FBXO36: variants seen among roughly 807,000 people sequenced by gnomAD.
FBXO36 encodes F-box protein 36, also known as F-box only protein 36.
In FBXO36, 18 loss-of-function variants were observed where a neutral mutation model predicts 17.0. The ratio of observed to expected loss-of-function variants is 1.06; its 90% CI spans 0.73 to 1.57. The LOEUF (loss-of-function observed/expected upper bound fraction) is 1.57, where lower values mean the gene tolerates loss of function less well. FBXO36 is among the 40% of genes most tolerant of loss of function. FBXO36 has a pLI of 0.00. For missense variants in FBXO36, 229 were observed against 221.9 expected (o/e 1.03, Z -0.20); for synonymous variants, 83 against 85.3 (o/e 0.97, Z 0.15).
intron 2 of FBXO36, among the ~76,000 whole-genome samples, chr2:229,993,857 G>T (rs779610657): frequency 6.6e-6 from 1 of 151,932 alleles, no homozygotes; most frequent in Non-Finnish European, 1.5e-5. Context: ...TGCAACCTCC[G>T]CCATTCTCCC....
At chr2:229,962,955 G>A (rs529657104) in intron 1 of FBXO36, among the ~76,000 whole-genome samples, 36 of 151,270 alleles carry the variant, frequency 2.4e-4, no homozygotes, top group Non-Finnish European at 4.4e-4. Flanking sequence ...GGGTTTACAG[G>A]CCTGAGCCAC....
intron 2 of FBXO36, among the ~76,000 whole-genome samples, chr2:229,982,651 A>G (rs2077246533): frequency 6.6e-6 from 1 of 151,786 alleles, no homozygotes; most frequent in Non-Finnish European, 1.5e-5. Context: ...TACTAAAAAT[A>G]CAAAATTTAG....
At chr2:229,957,203 C>T (rs1442061308) in intron 1 of FBXO36, among the ~76,000 whole-genome samples, 3 of 152,156 alleles carry the variant, frequency 2.0e-5, no homozygotes, top group African/African-American at 4.8e-5. Flanking sequence ...GCAGGCATCC[C>T]GCAGCAGGAA....
In FBXO36 at chr2:229,945,399, C is replaced by T. The variant is rs542513552; in HGVS notation, c.96+22790C>T. Reference sequence around the variant, plus strand: ...TCGGCTCACTGCAACCTCCACCTCCCAGGTTCAAGCAGTTCTCCTGCCTTT... The same window carrying T: ...TCGGCTCACTGCAACCTCCACCTCCTAGGTTCAAGCAGTTCTCCTGCCTTT... On this transcript the variant is annotated intron_variant, in intron 1 of 3. Coordinates refer to ENST00000283946, the MANE Select transcript of FBXO36 (RefSeq NM_174899.5). Among the ~76,000 whole-genome samples, 713 of 152,154 alleles carry T rather than the reference C, an allele frequency of 4.7e-3. 6 individuals carry two copies. The highest frequency in any genetic ancestry group is 0.017 in the Middle Eastern group (5 of 294).
chr2:229,981,661 C>A (rs2077240531), intron 2 of FBXO36, among the ~76,000 whole-genome samples: 1 of 139,172 alleles, frequency 7.2e-6, no homozygotes, highest in African/African-American at 2.6e-5. Context: ...GTGATTGTGC[C>A]ACTATACTCC....
At chr2:229,979,222 G>T (rs545969036) in intron 2 of FBXO36, among the ~76,000 whole-genome samples, 1 of 151,876 alleles carries the variant, frequency 6.6e-6, no homozygotes, top group African/African-American at 2.4e-5. Flanking sequence ...AATAGGCCAG[G>T]TGTGGTGGTT....
At chr2:229,967,110 T>A (rs932398911) in intron 1 of FBXO36, among the ~76,000 whole-genome samples, 1 of 152,180 alleles carries the variant, frequency 6.6e-6, no homozygotes, top group Non-Finnish European at 1.5e-5. Context: ...GTAAGTTGGA[T>A]TCCTAGGTAT....
intron 1 of FBXO36, among the ~76,000 whole-genome samples, chr2:229,947,605 CT>C (rs1434737724): frequency 6.6e-6 from 1 of 152,192 alleles, no homozygotes; most frequent in African/African-American, 2.4e-5. Flanking sequence ...AGGCAGAGAG[CT>C]TTCTTATTAG....
chr2:229,978,598 A>G (rs975317403), intron 2 of FBXO36, among the ~76,000 whole-genome samples: 4 of 152,004 alleles, frequency 2.6e-5, no homozygotes, highest in African/African-American at 9.7e-5. Context: ...AAAAAATAAT[A>G]ATAATAATAA....
intron 3 of FBXO36, among the ~76,000 whole-genome samples, chr2:230,009,763 C>T (rs1281269562): frequency 6.6e-6 from 1 of 150,670 alleles, no homozygotes; most frequent in Non-Finnish European, 1.5e-5. Context: ...ATCAACGTGG[C>T]GAAAACCTGT....
intron 1 of FBXO36, among the ~76,000 whole-genome samples, chr2:229,955,216 A>G (rs573162250): frequency 4.0e-5 from 6 of 151,748 alleles, no homozygotes; most frequent in Admixed American, 1.3e-4. Flanking sequence ...TTCCTTGTTT[A>G]TTTTTCTTCA....
chr2:229,979,447 T>C (rs1406386960), intron 2 of FBXO36, among the ~76,000 whole-genome samples: 2 of 152,044 alleles, frequency 1.3e-5, no homozygotes, highest in East Asian at 1.9e-4. Context: ...TTGTTTTGTT[T>C]AGAGAGGGAA....
intron 3 of FBXO36, among the ~76,000 whole-genome samples, chr2:230,007,429 T>C (rs2077392964): frequency 6.6e-6 from 1 of 152,102 alleles, no homozygotes; most frequent in Admixed American, 6.6e-5. Context: ...TCTATGATCA[T>C]AATTCCCATG....
chr2:229,980,753 T>C (rs2077234975), intron 2 of FBXO36, among the ~76,000 whole-genome samples: 1 of 152,048 alleles, frequency 6.6e-6, no homozygotes, highest in African/African-American at 2.4e-5. Flanking sequence ...CTGCTGGCTG[T>C]GTTCCTGCTG....
Position 229,976,365 on chromosome 2 carries a change from T to C in FBXO36, c.205+16T>C, listed in dbSNP as rs1486239876. 6.6e-7 allele frequency: 1 copy of C among 1,516,274 alleles called. No homozygotes were observed. The highest frequency in any genetic ancestry group is 1.4e-5 in the African/African-American group (1 of 73,006). The allele number at this position is 1,516,274 out of a possible 1,614,324, so 93.9% of individuals were successfully genotyped here. On this transcript the variant is annotated intron_variant, in intron 2 of 3. Transcript: ENST00000283946. The stretch of plus-strand genomic sequence containing the variant: ...CATCTTCAAGGTAAGGAACGGAACA[T>C]ATTATATACCCCTGTTAAGTTCTCA...
At chr2:229,969,655 T>C (rs2106189454) in intron 1 of FBXO36, among the ~76,000 whole-genome samples, 1 of 152,038 alleles carries the variant, frequency 6.6e-6, no homozygotes, top group South Asian at 2.1e-4. Flanking sequence ...GCCACCACAC[T>C]CCAGTCTGGG....
chr2:229,985,342 C>T (rs1175045329), intron 2 of FBXO36, among the ~76,000 whole-genome samples: 1 of 152,130 alleles, frequency 6.6e-6, no homozygotes, highest in Non-Finnish European at 1.5e-5. Flanking sequence ...ATACTCCATC[C>T]AATAGGAGGT....
At chr2:230,001,828 G>GT (rs1270993050) in intron 3 of FBXO36, among the ~76,000 whole-genome samples, 6 of 151,046 alleles carry the variant, frequency 4.0e-5, no homozygotes, top group African/African-American at 1.2e-4. Flanking sequence ...TACTATTATT[G>GT]TTTTTTTAAG....
chr2:229,933,933 G>T lies in FBXO36; in HGVS notation c.96+11324G>T, dbSNP rs192021296. Among the ~76,000 whole-genome samples, 174 of 152,018 alleles carry T rather than the reference G, an allele frequency of 1.1e-3. 4 individuals are homozygous for T. In the East Asian group the frequency reaches 0.027, roughly 24 times the overall value. On this transcript the variant is annotated intron_variant, in intron 1 of 3. Coordinates refer to ENST00000283946, the MANE Select transcript of FBXO36 (RefSeq NM_174899.5). ...ACTCCTGAACTCAGGTGATCTGCCC[G>T]CTTTGGCCTCCCAAAGTGCTGGGAT...
Sources: gnomAD v4.1 joint callset for allele counts (sites outside exome capture counted in the v4.1 genomes callset) on GRCh38, gnomAD v4.1.1 for gene constraint, MANE v1.5 for transcripts, NCBI Gene and HGNC (gene_info 2026-07-23, HGNC 2026-07-21) for gene names.